Variants in DAP observed in about 807,000 individuals in gnomAD.
DAP encodes the protein death associated protein.
DAP carries 8 observed loss-of-function variants against 13.8 expected under a neutral mutation model. The ratio of observed to expected loss-of-function variants is 0.58; its 90% confidence interval spans 0.34 to 1.05. The LOEUF (loss-of-function observed/expected upper bound fraction) is 1.05. Ranked by LOEUF, DAP falls within the 50% of genes least tolerant of loss-of-function variation. The pLI, the probability that DAP is intolerant of heterozygous loss-of-function variation, is 0.03. For synonymous variants in DAP, 47 were observed against 47.5 expected, an observed-to-expected ratio of 0.99 and a Z score of 0.04; for missense variants, 106 against 133.2, an observed-to-expected ratio of 0.80 and a Z score of 1.01.
At chr5:10,753,624 C>T (rs887040249) in intron 1 of DAP, among the ~76,000 whole-genome samples, 8 of 152,220 alleles carry the variant, frequency 5.3e-5, no homozygotes, top group African/African-American at 1.9e-4. Context: ...TCACTGGTGG[C>T]TTGCTATCTG....
intron 2 of DAP, among the ~76,000 whole-genome samples, chr5:10,698,103 G>A (rs575911704): frequency 6.6e-6 from 1 of 151,870 alleles, no homozygotes; most frequent in Admixed American, 6.6e-5. Context: ...GCAAGGGAGG[G>A]AGTTGGTGAG....
chr5:10,729,622 G>T (rs1305149566), intron 2 of DAP, among the ~76,000 whole-genome samples: 1 of 152,158 alleles, frequency 6.6e-6, no homozygotes, highest in East Asian at 1.9e-4. Context: ...TTCTTTCTTC[G>T]GTTGTCCCTA....
intron 1 of DAP, among the ~76,000 whole-genome samples, chr5:10,758,652 T>G (rs983756477): frequency 1.3e-5 from 2 of 152,188 alleles, no homozygotes. Context: ...AGCCCCACCC[T>G]GTGACTTGCC....
intron 2 of DAP, among the ~76,000 whole-genome samples, chr5:10,717,906 G>T (rs905938815): frequency 6.6e-6 from 1 of 152,180 alleles, no homozygotes; most frequent in Non-Finnish European, 1.5e-5. Flanking sequence ...GCTTCTAGGT[G>T]AAATGGATAA....
chr5:10,737,220 C>A (rs1739633383), intron 2 of DAP, among the ~76,000 whole-genome samples: 1 of 152,096 alleles, frequency 6.6e-6, no homozygotes, highest in South Asian at 2.1e-4. Context: ...TGGCATGTAG[C>A]CTGTAATCCC....
intron 2 of DAP, among the ~76,000 whole-genome samples, chr5:10,688,933 G>GCTAT (rs1738226609): frequency 6.6e-6 from 1 of 152,180 alleles, no homozygotes; most frequent in Non-Finnish European, 1.5e-5. Context: ...GGGGGACCTG[G>GCTAT]CTATCAGGAA....
chr5:10,711,566 C>T (rs548951727), intron 2 of DAP, among the ~76,000 whole-genome samples: 6 of 152,342 alleles, frequency 3.9e-5, no homozygotes, highest in East Asian at 3.9e-4. Flanking sequence ...CTTACTCTAT[C>T]GGCATTAAAA....
intron 2 of DAP, among the ~76,000 whole-genome samples, chr5:10,697,513 TGC>T: frequency 6.6e-6 from 1 of 152,216 alleles, no homozygotes; most frequent in Admixed American, 6.5e-5. Flanking sequence ...ATTAGACAGG[TGC>T]TTTAAAAATC....
chr5:10,745,342 A>C (rs1739873280), intron 2 of DAP, among the ~76,000 whole-genome samples: 1 of 152,224 alleles, frequency 6.6e-6, no homozygotes, highest in Non-Finnish European at 1.5e-5. Flanking sequence ...CAAGAGGACA[A>C]GTGCTAACAC....
rs10644743 is a variant in DAP, at chr5:10,739,201, CAAAAAAA to C, written c.152+8967_152+8973del. Among the ~76,000 whole-genome samples the C allele has an allele frequency of 1.4e-4, 10 of 71,610 alleles. No homozygotes were observed. The South Asian group carries it at 1.8e-3, about 13-fold the overall frequency. The allele number at this position is 71,610 out of a possible 152,430, so 47.0% of individuals were successfully genotyped here. ...TGGGTGACAGAGCAAGACTCTGAAT[CAAAAAAA>C]AAAAAAAAAAAAAAAAAAGAAAGAA... is the stretch of plus-strand genomic sequence containing the variant. On this transcript the variant is annotated intron_variant, in intron 2 of 3. Transcript: ENST00000230895.
At chr5:10,715,783 C>G (rs924076311) in intron 2 of DAP, among the ~76,000 whole-genome samples, 1 of 152,192 alleles carries the variant, frequency 6.6e-6, no homozygotes, top group Admixed American at 6.5e-5. Context: ...ATCATTCATG[C>G]CCCCTGGCCC....
intron 2 of DAP, among the ~76,000 whole-genome samples, chr5:10,736,224 T>C (rs896780545): frequency 1.3e-5 from 2 of 152,268 alleles, no homozygotes; most frequent in South Asian, 4.1e-4. Context: ...CCTCCACAAC[T>C]GTGAGACGAA....
intron 2 of DAP, among the ~76,000 whole-genome samples, chr5:10,703,798 T>C (rs1347289141): frequency 6.6e-6 from 1 of 152,340 alleles, no homozygotes; most frequent in African/African-American, 2.4e-5. Flanking sequence ...AGCCTTCCCC[T>C]GGCTGGCTGC....
At chr5:10,710,545 C>T (rs544499288) in intron 2 of DAP, among the ~76,000 whole-genome samples, 7 of 152,152 alleles carry the variant, frequency 4.6e-5, no homozygotes, top group African/African-American at 9.7e-5. Context: ...CCTCTGGCAT[C>T]GGGCCTGGAA....
chr5:10,703,519 GAA>G (rs1331569523), intron 2 of DAP, among the ~76,000 whole-genome samples: 1 of 152,224 alleles, frequency 6.6e-6, no homozygotes, highest in African/African-American at 2.4e-5. Context: ...CATCATTGAG[GAA>G]GTAGTCCAGT....
chr5:10,697,289 T>C (rs867088896), intron 2 of DAP, among the ~76,000 whole-genome samples: 4 of 152,232 alleles, frequency 2.6e-5, no homozygotes, highest in Admixed American at 2.0e-4. Context: ...ACAAGACAGA[T>C]GCGCGGCTGT....
At chr5:10,685,399 C>G (rs1738132743) in intron 2 of DAP, among the ~76,000 whole-genome samples, 1 of 152,192 alleles carries the variant, frequency 6.6e-6, no homozygotes, top group Admixed American at 6.5e-5. Context: ...ATTCTTAAAG[C>G]ACATCCTGCT....
chr5:10,711,046 TTTAA>T (rs1478777004), intron 2 of DAP, among the ~76,000 whole-genome samples: 2 of 152,226 alleles, frequency 1.3e-5, no homozygotes, highest in Non-Finnish European at 2.9e-5. Flanking sequence ...AACTGAGGTC[TTTAA>T]TTAAACATCA....
intron 2 of DAP, among the ~76,000 whole-genome samples, chr5:10,743,637 T>C (rs1739823972): frequency 6.6e-6 from 1 of 152,234 alleles, no homozygotes; most frequent in African/African-American, 2.4e-5. Context: ...TAGTGAACCC[T>C]GACTCCTAAA....
Sources: allele counts gnomAD v4.1 joint callset (sites outside exome capture counted in the v4.1 genomes callset), GRCh38; gene constraint gnomAD v4.1.1; transcripts MANE v1.5; gene names NCBI Gene and HGNC (gene_info 2026-07-23, HGNC 2026-07-21).